The following NLGN1 variants were observed in gnomAD, a reference collection of about 807,000 sequenced individuals.
NLGN1 encodes the protein neuroligin 1.
Under a neutral mutation model 65.5 loss-of-function variants are expected in NLGN1, and 12 were observed. The observed-to-expected ratio is 0.18, with a 90% confidence interval of 0.12 to 0.30. The LOEUF (loss-of-function observed/expected upper bound fraction) is 0.30, where lower values mean the gene tolerates loss of function less well. NLGN1 is among the 10% of genes least tolerant of loss of function. The pLI, the probability that NLGN1 is intolerant of heterozygous loss-of-function variation, is 1.00. For synonymous variants in NLGN1, 350 were observed against 359.5 expected (o/e 0.97, Z 0.30); for missense variants, 750 against 1,007.1 (o/e 0.74, Z 3.46).
intron 3 of NLGN1, among the ~76,000 whole-genome samples, chr3:173,725,213 A>G (rs928789533): frequency 2.0e-5 from 3 of 152,156 alleles, no homozygotes; most frequent in African/African-American, 2.4e-5. Flanking sequence ...TTATATCACC[A>G]TATCACTAGG....
chr3:173,664,247 T>C (rs1328193006), intron 3 of NLGN1, among the ~76,000 whole-genome samples: 1 of 152,090 alleles, frequency 6.6e-6, no homozygotes, highest in Non-Finnish European at 1.5e-5. Flanking sequence ...TTTTAAGGGC[T>C]ATTCTCCCAA....
At chr3:173,648,445 A>G (rs1185974042) in intron 3 of NLGN1, among the ~76,000 whole-genome samples, 1 of 152,196 alleles carries the variant, frequency 6.6e-6, no homozygotes, top group Non-Finnish European at 1.5e-5. Flanking sequence ...GTAGCAAAAT[A>G]AGTTAAAAAG....
chr3:173,685,840 A>G, intron 3 of NLGN1: 2 of 950,506 alleles, frequency 2.1e-6, no homozygotes, highest in Non-Finnish European at 2.5e-6. Context: ...ATCATTTACT[A>G]TTCTTCAACA....
intron 3 of NLGN1, among the ~76,000 whole-genome samples, chr3:173,659,708 G>T (rs967026301): frequency 6.6e-6 from 1 of 151,628 alleles, no homozygotes; most frequent in Non-Finnish European, 1.5e-5. Flanking sequence ...TCAAATCATG[G>T]TGTGTACCTT....
chr3:174,135,396 C>T (rs1319154683), intron 4 of NLGN1, among the ~76,000 whole-genome samples: 1 of 152,086 alleles, frequency 6.6e-6, no homozygotes, highest in African/African-American at 2.4e-5. Context: ...TCAAGGTAAA[C>T]AGTTAAATAT....
At chr3:173,462,905 T>C (rs991693356) in intron 2 of NLGN1, among the ~76,000 whole-genome samples, 1 of 152,212 alleles carries the variant, frequency 6.6e-6, no homozygotes, top group African/African-American at 2.4e-5. Context: ...AAGTCCTCTT[T>C]CTAGTTCTTC....
intron 4 of NLGN1, among the ~76,000 whole-genome samples, chr3:174,272,289 A>G (rs542336137): frequency 4.0e-5 from 6 of 151,856 alleles, no homozygotes; most frequent in Admixed American, 1.3e-4. Context: ...TGTTAAGGAC[A>G]TAACAGCTAA....
chr3:173,592,169 G>C (rs150985733), intron 2 of NLGN1, among the ~76,000 whole-genome samples: 2 of 152,190 alleles, frequency 1.3e-5, no homozygotes, highest in East Asian at 3.9e-4. Flanking sequence ...GTAGATTCTA[G>C]ATTTAACAAT....
Position 173,950,970 on chromosome 3 carries a change from G to A in NLGN1, c.646+143138G>A, listed in dbSNP as rs180743018. Among the ~76,000 whole-genome samples the A allele has an allele frequency of 5.9e-5, 9 of 152,152 alleles. No individual in the cohort carries two copies. In the South Asian group the frequency reaches 6.2e-4, roughly 11 times the overall value. The stretch of plus-strand genomic sequence containing the variant: ...CAACCTCCGTCTCCCGGGTTCAAGC[G>A]TTTCTCCTGACTCAGCCTCTCGAAT... On this transcript the variant is annotated intron_variant, in intron 4 of 6. Transcript: ENST00000457714.
intron 4 of NLGN1, among the ~76,000 whole-genome samples, chr3:174,265,781 A>G (rs3979603): frequency 0.3 from 40,086 of 134,056 alleles, 6,052 homozygotes; most frequent in East Asian, 0.63. Flanking sequence ...ATATATATAT[A>G]TGTATATATA....
chr3:174,185,138 C>T (rs1156763044), intron 4 of NLGN1, among the ~76,000 whole-genome samples: 2 of 152,122 alleles, frequency 1.3e-5, no homozygotes, highest in Non-Finnish European at 2.9e-5. Context: ...CCACTTGATT[C>T]CATCCTTTGA....
In NLGN1 at chr3:174,224,665, C is replaced by G. The variant is rs1309580096; in HGVS notation, c.647-50650C>G. On this transcript the variant is annotated intron_variant, in intron 4 of 6. Coordinates refer to ENST00000457714, the Ensembl canonical transcript of NLGN1. ...AGTGAGCCGAGATTGTGCCATTGCA[C>G]GCCAGCCTGGGTGACAGAGTGAGAC... Among the ~76,000 whole-genome samples the G allele has an allele frequency of 3.3e-5, 5 of 152,094 alleles. No individual in the cohort carries two copies. The East Asian group carries it at 9.7e-4, about 29-fold the overall frequency.
At chr3:173,420,539 C>T (rs564328884) in intron 1 of NLGN1, among the ~76,000 whole-genome samples, 4 of 152,222 alleles carry the variant, frequency 2.6e-5, no homozygotes, top group East Asian at 3.9e-4. Context: ...AATAAACATA[C>T]GTGTGCATGT....
intron 4 of NLGN1, among the ~76,000 whole-genome samples, chr3:173,836,887 G>C (rs1723725090): frequency 6.6e-6 from 1 of 152,158 alleles, no homozygotes; most frequent in African/African-American, 2.4e-5. Flanking sequence ...TCAACAAAAT[G>C]ATAATGCTCA....
chr3:173,426,800 C>T (rs948749514), intron 1 of NLGN1, among the ~76,000 whole-genome samples: 1 of 151,772 alleles, frequency 6.6e-6, no homozygotes, highest in African/African-American at 2.4e-5. Context: ...TTTTGTTGTG[C>T]CCTTGTCTGG....
At chr3:174,068,133 G>A (rs1231335853) in intron 4 of NLGN1, among the ~76,000 whole-genome samples, 1 of 152,026 alleles carries the variant, frequency 6.6e-6, no homozygotes, top group African/African-American at 2.4e-5. Context: ...CTAAGAGAAA[G>A]TGTTTCTGAG....
chr3:173,507,317 C>T (rs1286518481), intron 2 of NLGN1, among the ~76,000 whole-genome samples: 3 of 151,910 alleles, frequency 2.0e-5, no homozygotes, highest in Non-Finnish European at 4.4e-5. Context: ...GGAATCTTTT[C>T]ATGGTTTGTA....
intron 4 of NLGN1, among the ~76,000 whole-genome samples, chr3:174,177,957 CA>C (rs1259586562): frequency 6.6e-6 from 1 of 152,032 alleles, no homozygotes; most frequent in African/African-American, 2.4e-5. Context: ...GCATCAGTTC[CA>C]GGGTCGGGTG....
At chr3:173,513,474 A>G (rs1733315590) in intron 2 of NLGN1, among the ~76,000 whole-genome samples, 2 of 152,012 alleles carry the variant, frequency 1.3e-5, no homozygotes, top group African/African-American at 4.8e-5. Context: ...GATTTTCTAT[A>G]TTTGCCTTTC....
Sources: gnomAD v4.1 joint callset for allele counts (sites outside exome capture counted in the v4.1 genomes callset) on GRCh38, gnomAD v4.1.1 for gene constraint, MANE v1.5 for transcripts, NCBI Gene and HGNC (gene_info 2026-07-23, HGNC 2026-07-21) for gene names.